Variants in NME8 observed in about 807,000 individuals in gnomAD.
NME8 encodes the protein protein NME8.
A neutral mutation model predicts 82.3 loss-of-function variants in NME8; 72 were observed. The ratio of observed to expected loss-of-function variants is 0.87; its 90% CI spans 0.72 to 1.06. The LOEUF (loss-of-function observed/expected upper bound fraction) is 1.06. Ranked by LOEUF, NME8 falls within the 50% of genes least tolerant of loss-of-function variation. The probability of loss-of-function intolerance (pLI) is 0.00; values close to 1 mark genes in which losing one functional copy is unlikely to be tolerated. For synonymous variants in NME8, 267 were observed against 228.5 expected (o/e 1.17, Z -1.52); for missense variants, 712 against 685.4 (o/e 1.04, Z -0.43).
intron 5 of NME8, among the ~76,000 whole-genome samples, chr7:37,854,368 T>C (rs1451635574): frequency 6.6e-6 from 1 of 152,106 alleles, no homozygotes; most frequent in Non-Finnish European, 1.5e-5. Context: ...GGAGTTGGTA[T>C]TGACGTCTCA....
At chr7:37,899,660 T>C (rs1490009374) in intron 17 of NME8, among the ~76,000 whole-genome samples, 1 of 152,114 alleles carries the variant, frequency 6.6e-6, no homozygotes, top group East Asian at 1.9e-4. Flanking sequence ...GCACATCCTG[T>C]ACACATACTC....
chr7:37,871,189 G>A (rs1160680236), intron 11 of NME8, among the ~76,000 whole-genome samples: 1 of 152,102 alleles, frequency 6.6e-6, no homozygotes, highest in Non-Finnish European at 1.5e-5. Flanking sequence ...TTATTGGCTG[G>A]TTATTCCTGT....
At chr7:37,867,628 T>A (rs550607629) in intron 10 of NME8, 74 bp from the exon 11 acceptor site, 2 of 1,087,100 alleles carry the variant, frequency 1.8e-6, no homozygotes, top group Non-Finnish European at 2.8e-6. Context: ...TTCATTTGAC[T>A]TGGGTAGTGA....
chr7:37,860,649 A>G (rs2722314), intron 6 of NME8, among the ~76,000 whole-genome samples: 35,364 of 152,044 alleles, frequency 0.23, 4,141 homozygotes, highest in Middle Eastern at 0.27. Context: ...CACAGTTTCA[A>G]TCACCACCAT....
chr7:37,876,000 G>T (rs1784841904), intron 11 of NME8, among the ~76,000 whole-genome samples: 1 of 152,116 alleles, frequency 6.6e-6, no homozygotes, highest in African/African-American at 2.4e-5. Flanking sequence ...AAGGTCAGGA[G>T]ATCGAGACCA....
intron 12 of NME8, among the ~76,000 whole-genome samples, chr7:37,882,637 AAGAAAGAG>A (rs1562838463): frequency 1.4e-5 from 2 of 138,102 alleles, no homozygotes; most frequent in East Asian, 2.3e-4. Context: ...GAAAGAAAGA[AAGAAAGAG>A]AAAGAAAGAA....
intron 12 of NME8, 65 bp from the exon 13 acceptor site, chr7:37,884,238 A>T (rs761817978): frequency 7.2e-6 from 8 of 1,110,668 alleles, no homozygotes; most frequent in Non-Finnish European, 1.1e-5. Context: ...ATAGTATATT[A>T]TGTATTGTGT....
chr7:37,861,040 T>A (rs62459322), intron 6 of NME8, among the ~76,000 whole-genome samples: 79,430 of 151,972 alleles, frequency 0.52, 22,200 homozygotes, highest in Non-Finnish European at 0.65. Flanking sequence ...CACCTCCACC[T>A]CTAGCATAGC....
intron 15 of NME8, among the ~76,000 whole-genome samples, chr7:37,889,543 G>A (rs951371636): frequency 9.2e-5 from 14 of 151,502 alleles, no homozygotes; most frequent in African/African-American, 1.9e-4. Flanking sequence ...CTAATGCATC[G>A]TGTTTTCATT....
intron 11 of NME8, 107 bp from the exon 12 acceptor site, chr7:37,876,725 G>A: frequency 2.5e-6 from 2 of 791,674 alleles, no homozygotes; most frequent in Non-Finnish European, 2.1e-6. Flanking sequence ...TTTAATTTTT[G>A]TTTTATTAAA....
intron 12 of NME8, among the ~76,000 whole-genome samples, chr7:37,882,855 A>G (rs973488922): frequency 1.9e-4 from 29 of 152,196 alleles, no homozygotes; most frequent in Admixed American, 1.2e-3. Flanking sequence ...ATGTTTGAAA[A>G]TTCTCATGGA....
Position 37,897,050 on chromosome 7 carries a change from A to T in NME8, c.1725A>T (p.Lys575Asn). ...VHGASNAYEA[K>N]EVVNRLFEDP... Reference sequence around the variant, plus strand: ...GAGCATCTAACGCCTATGAAGCAAAAGAGGTTGTTAATAGACTCTTTGAGG... The same window carrying T: ...GAGCATCTAACGCCTATGAAGCAAATGAGGTTGTTAATAGACTCTTTGAGG... The change falls in exon 17 of 18, where the codon AAA (lysine) becomes AAT (asparagine). Residue 575 changes from lysine (K) to asparagine (N), a missense_variant. Transcript: ENST00000199447. The T allele has an allele frequency of 6.2e-7, 1 of 1,613,936 alleles. No homozygotes were observed. The highest frequency in any genetic ancestry group is 1.1e-5 in the South Asian group (1 of 91,084).
intron 15 of NME8, among the ~76,000 whole-genome samples, chr7:37,891,348 C>T (rs1436538580): frequency 2.0e-5 from 3 of 151,582 alleles, no homozygotes; most frequent in African/African-American, 4.8e-5. Flanking sequence ...AAATCACTGC[C>T]GAGACCAATG....
At chr7:37,871,326 A>G (rs1486740849) in intron 11 of NME8, among the ~76,000 whole-genome samples, 2 of 152,202 alleles carry the variant, frequency 1.3e-5, no homozygotes, top group African/African-American at 4.8e-5. Context: ...GGGCAGAGGT[A>G]CCCATGTTTG....
intron 6 of NME8, among the ~76,000 whole-genome samples, chr7:37,861,820 A>C (rs1274189496): frequency 6.6e-6 from 1 of 152,156 alleles, no homozygotes; most frequent in African/African-American, 2.4e-5. Context: ...TGCAAATTGG[A>C]GGTAGAACTC....
intron 15 of NME8, among the ~76,000 whole-genome samples, chr7:37,890,368 T>A (rs1785110653): frequency 6.6e-6 from 1 of 152,014 alleles, no homozygotes; most frequent in African/African-American, 2.4e-5. Flanking sequence ...TTTTGATACA[T>A]GTACACATTA....
At position 37,897,036 on chromosome 7, in the gene NME8, G is replaced by A. The variant is rs778569092; in HGVS notation, c.1711G>A (p.Ala571Thr). ...AAACATTGTCCATGGAGCATCTAAC[G>A]CCTATGAAGCAAAAGAGGTTGTTAA... ...LKNIVHGASN[A>T]YEAKEVVNRL... is the part of the protein sequence containing the mutation. Residue 571 changes from alanine (A) to threonine (T), a missense_variant, in exon 17 of 18, where the codon GCC becomes ACC. By Grantham distance (58) the Ala-to-Thr change is moderately conservative. Coordinates refer to ENST00000199447, the MANE Select transcript of NME8 (RefSeq NM_016616.5). 27 of 1,613,750 alleles carry A rather than the reference G, an allele frequency of 1.7e-5. No individual in the cohort carries two copies. Among genetic ancestry groups the A allele is most frequent in the East Asian group, 1.6e-4 (7 of 44,886 alleles).
At chr7:37,894,204 C>G (rs971507478) in intron 15 of NME8, among the ~76,000 whole-genome samples, 1 of 152,074 alleles carries the variant, frequency 6.6e-6, no homozygotes, top group Admixed American at 6.6e-5. Context: ...AGGTCCCTTC[C>G]CCTTCTACTC....
chr7:37,861,740 G>A (rs545717577), intron 6 of NME8, among the ~76,000 whole-genome samples: 1 of 152,198 alleles, frequency 6.6e-6, no homozygotes. Flanking sequence ...AAGCAAGGAT[G>A]CCTCAGGAGA....
Sources: allele counts gnomAD v4.1 joint callset (sites outside exome capture counted in the v4.1 genomes callset), GRCh38; gene constraint gnomAD v4.1.1; transcripts MANE v1.5; gene names NCBI Gene and HGNC (gene_info 2026-07-23, HGNC 2026-07-21).